CNTN5: variants seen among roughly 807,000 people sequenced by gnomAD.
CNTN5 encodes contactin-5.
A neutral mutation model predicts 129.1 loss-of-function variants in CNTN5; 77 were observed. The observed-to-expected ratio is 0.60, with a 90% CI of 0.50 to 0.72. The LOEUF is 0.72. CNTN5 is among the 30% of genes least tolerant of loss of function. The pLI, the probability that CNTN5 is intolerant of heterozygous loss-of-function variation, is 0.00. For missense variants in CNTN5, 1,478 were observed against 1,328.8 expected, an observed-to-expected ratio of 1.11 and a Z score of -1.75; for synonymous variants, 509 against 465.6, an observed-to-expected ratio of 1.09 and a Z score of -1.20.
At chr11:99,143,804 AT>A (rs958795126) in intron 1 of CNTN5, among the ~76,000 whole-genome samples, 13 of 151,946 alleles carry the variant, frequency 8.6e-5, no homozygotes, top group Non-Finnish European at 4.4e-5. Context: ...AACATAACAC[AT>A]TTTTTTTGTA....
intron 4 of CNTN5, among the ~76,000 whole-genome samples, chr11:99,843,517 T>A (rs1947583315): frequency 6.6e-6 from 1 of 152,202 alleles, no homozygotes; most frequent in East Asian, 1.9e-4. Flanking sequence ...TTCTTGTGAT[T>A]ATCTGCAAAA....
intron 21 of CNTN5, among the ~76,000 whole-genome samples, chr11:100,311,130 C>T (rs1331459430): frequency 1.3e-5 from 2 of 151,872 alleles, no homozygotes; most frequent in East Asian, 1.9e-4. Context: ...GCTGTTCCAA[C>T]CTCAGTGACA....
intron 13 of CNTN5, among the ~76,000 whole-genome samples, chr11:100,159,494 A>C (rs1427207543): frequency 2.6e-5 from 4 of 151,934 alleles, no homozygotes. Context: ...CTTTAAAAAA[A>C]AATGATCATT....
intron 2 of CNTN5, among the ~76,000 whole-genome samples, chr11:99,466,742 T>C (rs1460797480): frequency 6.6e-6 from 1 of 152,184 alleles, no homozygotes; most frequent in African/African-American, 2.4e-5. Flanking sequence ...TCTATGACAC[T>C]GAAACCTTCA....
intron 15 of CNTN5, among the ~76,000 whole-genome samples, chr11:100,215,457 G>A (rs1591400676): frequency 6.6e-6 from 1 of 152,102 alleles, no homozygotes; most frequent in East Asian, 1.9e-4. Flanking sequence ...CAGATTCTTT[G>A]TACAACACTG....
intron 3 of CNTN5, among the ~76,000 whole-genome samples, chr11:99,650,068 T>G (rs1290078713): frequency 6.6e-6 from 1 of 151,790 alleles, no homozygotes; most frequent in African/African-American, 2.4e-5. Context: ...AAAGAGTATT[T>G]TTTTCTGAAC....
chr11:99,392,277 A>T (rs528864696), intron 2 of CNTN5, among the ~76,000 whole-genome samples: 2 of 151,840 alleles, frequency 1.3e-5, no homozygotes, highest in Non-Finnish European at 2.9e-5. Context: ...ACATATAAGT[A>T]CTAGAGTTTT....
chr11:100,007,791 T>G (rs2137505959), intron 9 of CNTN5, among the ~76,000 whole-genome samples: 1 of 152,192 alleles, frequency 6.6e-6, no homozygotes, highest in South Asian at 2.1e-4. Context: ...CAAAAACTTT[T>G]TTTTTTTCAT....
At chr11:99,251,497 C>T (rs779243174) in intron 1 of CNTN5, among the ~76,000 whole-genome samples, 3 of 150,838 alleles carry the variant, frequency 2.0e-5, no homozygotes, top group Non-Finnish European at 4.4e-5. Flanking sequence ...ATGTGTAACC[C>T]AATACTCAAT....
At chr11:99,144,779 CTT>C (rs531381076) in intron 1 of CNTN5, among the ~76,000 whole-genome samples, 137 of 151,828 alleles carry the variant, frequency 9.0e-4, no homozygotes, top group African/African-American at 3.1e-3. Context: ...AATGATATCT[CTT>C]TGTTGAATTT....
Position 99,150,803 on chromosome 11 carries a change from T to C in CNTN5, c.-210+129533T>C, listed in dbSNP as rs146907008. Among the ~76,000 whole-genome samples the C allele has an allele frequency of 1.2e-4, 19 of 152,214 alleles. No homozygotes were observed. In the East Asian group the frequency reaches 3.5e-3, roughly 28 times the overall value. ...AGACCAATTTCCTTGTGGTTTGGGA[T>C]TAACTTTTCTTCTCCTATATCCCTA... On this transcript the variant is annotated intron_variant, in intron 1 of 24. Transcript: ENST00000524871.
At chr11:99,817,378 C>T (rs911258044) in intron 3 of CNTN5, among the ~76,000 whole-genome samples, 3 of 152,174 alleles carry the variant, frequency 2.0e-5, no homozygotes, top group South Asian at 4.1e-4. Context: ...GCATTTGGCT[C>T]ATCTCTGTAT....
chr11:99,356,448 A>C (rs2136096209), intron 2 of CNTN5, among the ~76,000 whole-genome samples: 1 of 152,368 alleles, frequency 6.6e-6, no homozygotes, highest in South Asian at 2.1e-4. Context: ...AGGATTGCTC[A>C]GTCAATCTTA....
chr11:100,284,530 T>C (rs1950723232), intron 18 of CNTN5, among the ~76,000 whole-genome samples: 1 of 152,070 alleles, frequency 6.6e-6, no homozygotes, highest in Non-Finnish European at 1.5e-5. Flanking sequence ...ACAAAAAAAA[T>C]CACATTTGGG....
intron 2 of CNTN5, among the ~76,000 whole-genome samples, chr11:99,438,734 A>G (rs937867349): frequency 6.6e-6 from 1 of 152,182 alleles, no homozygotes; most frequent in African/African-American, 2.4e-5. Flanking sequence ...ACAGTTAACT[A>G]TTCAGTAATG....
At chr11:99,948,666 T>C (rs182096654) in intron 7 of CNTN5, among the ~76,000 whole-genome samples, 1 of 152,336 alleles carries the variant, frequency 6.6e-6, no homozygotes, top group African/African-American at 2.4e-5. Flanking sequence ...CTCTATGTCT[T>C]AGTTTTCCCA....
At chr11:100,172,864 G>A (rs1407784009) in intron 13 of CNTN5, among the ~76,000 whole-genome samples, 2 of 152,040 alleles carry the variant, frequency 1.3e-5, no homozygotes, top group Admixed American at 1.3e-4. Context: ...ATGCAGTGGG[G>A]AGCATTAAGT....
intron 2 of CNTN5, among the ~76,000 whole-genome samples, chr11:99,439,953 G>C (rs977254080): frequency 1.5e-4 from 23 of 151,902 alleles, no homozygotes; most frequent in African/African-American, 5.6e-4. Flanking sequence ...AAGACAAAAT[G>C]TAGAAAACAA....
At chr11:99,047,543 C>A (rs907231073) in intron 1 of CNTN5, among the ~76,000 whole-genome samples, 9 of 152,004 alleles carry the variant, frequency 5.9e-5, no homozygotes, top group South Asian at 2.1e-4. Flanking sequence ...AAGTATATAA[C>A]ATTTTGTTAC....
Sources: allele counts gnomAD v4.1 joint callset (sites outside exome capture counted in the v4.1 genomes callset), GRCh38; gene constraint gnomAD v4.1.1; transcripts MANE v1.5; gene names NCBI Gene and HGNC (gene_info 2026-07-23, HGNC 2026-07-21).